The following TAF1B variants were observed in gnomAD, a reference collection of about 807,000 sequenced individuals.
TAF1B encodes the protein TATA-box binding protein associated factor, RNA polymerase I subunit B, also known as TATA box-binding protein-associated factor RNA polymerase I subunit B.
In TAF1B, 61 loss-of-function variants were observed where a neutral mutation model predicts 83.9. The observed-to-expected ratio is 0.73, with a 90% CI of 0.59 to 0.90. The LOEUF (loss-of-function observed/expected upper bound fraction) is 0.90, where lower values mean the gene tolerates loss of function less well. Among genes scored for constraint, TAF1B ranks in the 40% least tolerant of loss-of-function variants. The pLI is 0.00. For synonymous variants in TAF1B, 221 were observed against 224.6 expected (o/e 0.98, Z 0.14); for missense variants, 625 against 677.0 (o/e 0.92, Z 0.85).
chr2:9,892,750 T>C (rs1015204485), intron 8 of TAF1B, among the ~76,000 whole-genome samples: 2 of 137,368 alleles, frequency 1.5e-5, no homozygotes, highest in Admixed American at 7.4e-5. Flanking sequence ...CATCAACATA[T>C]TGATTTTGAT....
At chr2:9,860,711 A>G (rs1257681624) in intron 5 of TAF1B, among the ~76,000 whole-genome samples, 1 of 152,236 alleles carries the variant, frequency 6.6e-6, no homozygotes, top group African/African-American at 2.4e-5. Context: ...CCAAGGGAAC[A>G]AAGTGTTTCA....
At chr2:9,898,252 T>C (rs896334350) in intron 8 of TAF1B, among the ~76,000 whole-genome samples, 1 of 152,216 alleles carries the variant, frequency 6.6e-6, no homozygotes, top group Admixed American at 6.5e-5. Context: ...TTAGACCCAG[T>C]GTCAGAAATT....
intron 14 of TAF1B, among the ~76,000 whole-genome samples, chr2:9,925,627 G>A (rs1666012258): frequency 6.6e-6 from 1 of 150,864 alleles, no homozygotes; most frequent in South Asian, 2.1e-4. Flanking sequence ...TGTCACCCAG[G>A]CTAGAGTGCA....
chr2:9,916,519 A>G (rs150401497), intron 12 of TAF1B, among the ~76,000 whole-genome samples: 1 of 152,360 alleles, frequency 6.6e-6, no homozygotes, highest in Non-Finnish European at 1.5e-5. Flanking sequence ...GTAAATGCAT[A>G]AGAAACTTCC....
At chr2:9,931,434 T>G (rs1666208382) in intron 14 of TAF1B, among the ~76,000 whole-genome samples, 1 of 152,138 alleles carries the variant, frequency 6.6e-6, no homozygotes, top group African/African-American at 2.4e-5. Context: ...TGAAGCTTAG[T>G]TTGGCTGGAT....
At chr2:9,852,986 A>G (rs2125136318) in intron 4 of TAF1B, among the ~76,000 whole-genome samples, 1 of 152,372 alleles carries the variant, frequency 6.6e-6, no homozygotes, top group Admixed American at 6.5e-5. Flanking sequence ...AGAATTAAAA[A>G]TTCAGAAGCA....
chr2:9,932,598 G>A (rs1666248981), intron 14 of TAF1B, among the ~76,000 whole-genome samples: 1 of 152,198 alleles, frequency 6.6e-6, no homozygotes, highest in Non-Finnish European at 1.5e-5. Context: ...CTTACTGGGA[G>A]GTGTCTCCCA....
Position 9,845,297 on chromosome 2 carries a change from T to G in TAF1B, c.96T>G (p.Thr32=). 1 of 1,613,708 alleles carries G rather than the reference T, an allele frequency of 6.2e-7. No homozygotes were observed. The highest frequency in any genetic ancestry group is 8.5e-7 in the Non-Finnish European group (1 of 1,179,690). Residue 32 remains threonine (T), a synonymous_variant, in exon 2 of 15, where the codon ACT becomes ACG. Coordinates refer to ENST00000263663, the MANE Select transcript of TAF1B (RefSeq NM_005680.3). ...GLTDEGKYYC[T]SCHNVTERYQ... ...CTGATGAAGGCAAATATTATTGCAC[T>G]TCTTGCCACAATGTTACAGAGGTAA...
intron 8 of TAF1B, among the ~76,000 whole-genome samples, chr2:9,902,169 A>G (rs536746430): frequency 1.3e-5 from 2 of 152,214 alleles, no homozygotes; most frequent in South Asian, 4.2e-4. Flanking sequence ...TGTACCATTA[A>G]GGTCTTTCCA....
chr2:9,879,635 G>A (rs1664432268), intron 7 of TAF1B, among the ~76,000 whole-genome samples: 1 of 152,170 alleles, frequency 6.6e-6, no homozygotes, highest in Non-Finnish European at 1.5e-5. Flanking sequence ...AGAGCTGTGT[G>A]ATGAAGGAGC....
rs768773236 is a variant in TAF1B at position 9,845,329 on chromosome 2, A to G, written c.117+11A>G. 25 of 1,604,060 alleles carry G rather than the reference A, an allele frequency of 1.6e-5. No individual in the cohort carries two copies. The highest frequency in any genetic ancestry group is 2.0e-5 in the Non-Finnish European group (24 of 1,171,276). On this transcript the variant is annotated intron_variant, in intron 2 of 14. Transcript: ENST00000263663. ...CACAATGTTACAGAGGTAAGTAACA[A>G]ATATCATTTATGAATTTGCTTATGT...
Position 9,843,535 on chromosome 2 carries a change from C to T in TAF1B, c.-7C>T. The stretch of plus-strand genomic sequence containing the variant: ...GTCCCGGCTGTGGAAGCTCCCGCGG[C>T]GCCGCGATGGACCTCGAGGAGGCGG... On this transcript the variant is annotated 5_prime_UTR_variant, in exon 1 of 15. Transcript: ENST00000263663. The T allele has an allele frequency of 3.3e-6, 5 of 1,522,544 alleles. No homozygotes were observed. Among genetic ancestry groups the T allele is most frequent in the Non-Finnish European group, 4.4e-6 (5 of 1,132,038 alleles). The allele number at this position is 1,522,544 out of a possible 1,614,324, so 94.3% of individuals were successfully genotyped here.
Position 9,868,383 on chromosome 2 carries a change from C to T in TAF1B, c.507C>T (p.Asp169=). The change falls in exon 6 of 15, where the codon GAC becomes GAT. Residue 169 remains aspartate (D), a synonymous_variant. Coordinates refer to ENST00000263663, the MANE Select transcript of TAF1B (RefSeq NM_005680.3). ...FLESGAESQS[D]IHTRKPFPVS... is the part of the protein sequence containing the mutation. ...AAAGTGGAGCGGAGTCTCAGTCTGA[C>T]ATCCACACTCGAAAACCTTTCCCCG... 1 of 1,614,000 alleles carries T rather than the reference C, an allele frequency of 6.2e-7. No individual in the cohort carries two copies.
Position 9,875,958 on chromosome 2 carries a change from C to A in TAF1B, c.647C>A (p.Ala216Asp), listed in dbSNP as rs769798413. ...AAGATGACCATGCCACAGACACTTG[C>A]CTTCTGTTATCTGTCCTTACTTTGG... ...IVKMTMPQTL[A>D]FCYLSLLWQR... Residue 216 changes from alanine to aspartate, a missense_variant, in exon 7 of 15, where the codon GCC (alanine) becomes GAC (aspartate). By Grantham distance (126) the Ala-to-Asp change is moderately radical. Transcript: ENST00000263663. 2.5e-6 allele frequency: 4 copies of A among 1,613,444 alleles called. No individual in the cohort carries two copies. The African/African-American group carries it at 5.3e-5, about 22-fold the overall frequency.
chr2:9,888,564 T>C (rs1664748479), intron 8 of TAF1B, among the ~76,000 whole-genome samples: 1 of 152,066 alleles, frequency 6.6e-6, no homozygotes, highest in African/African-American at 2.4e-5. Flanking sequence ...AGGTATAGAA[T>C]TCTAGTTTCA....
chr2:9,850,009 TAA>T (rs1438684355), intron 3 of TAF1B, among the ~76,000 whole-genome samples: 3 of 120,792 alleles, frequency 2.5e-5, no homozygotes, highest in South Asian at 3.2e-4. Flanking sequence ...ACACACACAT[TAA>T]AAAATATATA....
At chr2:9,913,507 TACTTTTTATAATTTA>T in intron 12 of TAF1B, 1 of 311,860 alleles carries the variant, frequency 3.2e-6, no homozygotes, top group Non-Finnish European at 5.8e-6. Flanking sequence ...TACCACAGTA[TACTTTTTATAATTTA>T]ACTTTTTATA....
intron 14 of TAF1B, among the ~76,000 whole-genome samples, chr2:9,922,727 G>A (rs1045733611): frequency 2.6e-5 from 4 of 152,118 alleles, no homozygotes; most frequent in African/African-American, 9.7e-5. Flanking sequence ...AATGTAAGGA[G>A]GACTCTGTTT....
rs1236034974 is a variant in TAF1B at position 9,934,385 on chromosome 2, A to G, written c.*401A>G. 1 of 157,206 alleles carries G rather than the reference A, an allele frequency of 6.4e-6. No individual in the cohort carries two copies. Among genetic ancestry groups the G allele is most frequent in the East Asian group, 1.8e-4 (1 of 5,424 alleles). 9.7% of individuals were successfully genotyped at this position (157,206 alleles called of 1,614,324 possible). A position where few individuals can be genotyped will look rare whatever the true frequency, so the allele number is the denominator to read the frequency against. ...GTAAAAATATAAAAGTATTAGTAGAAAACAAATATGAATGCTTTGATGATC... is the reference window on the plus strand; with the variant it reads ...GTAAAAATATAAAAGTATTAGTAGAGAACAAATATGAATGCTTTGATGATC... On this transcript the variant is annotated 3_prime_UTR_variant, in exon 15 of 15. Coordinates refer to ENST00000263663, the MANE Select transcript of TAF1B (RefSeq NM_005680.3).
Sources: gnomAD v4.1 joint callset for allele counts (sites outside exome capture counted in the v4.1 genomes callset) on GRCh38, gnomAD v4.1.1 for gene constraint, MANE v1.5 for transcripts, NCBI Gene and HGNC (gene_info 2026-07-23, HGNC 2026-07-21) for gene names.